Variants in POLR3A observed in about 807,000 individuals in gnomAD.
POLR3A encodes the protein RNA polymerase III subunit A.
Under a neutral mutation model 152.8 loss-of-function variants are expected in POLR3A, and 112 were observed. The observed-to-expected ratio is 0.73, with a 90% CI of 0.63 to 0.86. The LOEUF is 0.86. POLR3A is among the 40% of genes least tolerant of loss of function. The probability of loss-of-function intolerance (pLI) is 0.00; values close to 1 mark genes in which losing one functional copy is unlikely to be tolerated. For missense variants in POLR3A, 1,385 were observed against 1,743.1 expected, an observed-to-expected ratio of 0.79 and a Z score of 3.66; for synonymous variants, 615 against 652.1, an observed-to-expected ratio of 0.94 and a Z score of 0.87.
intron 30 of POLR3A, among the ~76,000 whole-genome samples, chr10:77,978,852 C>CG (rs1191546775): frequency 3.3e-5 from 5 of 151,072 alleles, no homozygotes; most frequent in South Asian, 2.1e-4. Context: ...TTAGTAGAGA[C>CG]GGGGTCTCAC....
chr10:78,022,206 T>C lies in POLR3A; in HGVS notation c.824A>G (p.Asn275Ser), dbSNP rs1847586588. ...CAGTTTCATTGTCAGATCATCTTCA[T>C]TGGTGCCAGACTTCAAATCACTCAC... is the stretch of plus-strand genomic sequence containing the variant. ...SVVSDLKSGT[N>S]EDDLTMKLTE... The change falls in exon 6 of 31, where the codon AAT becomes AGT. Residue 275 changes from asparagine to serine, a missense_variant. Physicochemically the swap from Asn to Ser is conservative, Grantham distance 46. Transcript: ENST00000372371. 1.2e-6 allele frequency: 2 copies of C among 1,614,094 alleles called. No individual in the cohort carries two copies. Among genetic ancestry groups the C allele is most frequent in the South Asian group, 2.2e-5 (2 of 91,094 alleles).
At position 77,980,265 on chromosome 10, in the gene POLR3A, G is replaced by T; in HGVS notation, c.3900C>A (p.Val1300=). ...LSDLMTYKGE[V]LGITRFGLAK... ...CCAGGCCAAACCTAGTGATGCCCAGGACTTCACCCTGCGTCAAGGGAGAAA... is the reference window on the plus strand; with the variant it reads ...CCAGGCCAAACCTAGTGATGCCCAGTACTTCACCCTGCGTCAAGGGAGAAA... The change falls in exon 30 of 31, where the codon GTC becomes GTA. Residue 1300 remains valine, a synonymous_variant. Transcript: ENST00000372371. 1 of 1,613,912 alleles carries T rather than the reference G, an allele frequency of 6.2e-7. No homozygotes were observed. Among genetic ancestry groups the T allele is most frequent in the Non-Finnish European group, 8.5e-7 (1 of 1,179,956 alleles).
intron 21 of POLR3A, among the ~76,000 whole-genome samples, chr10:77,988,606 C>T (rs1847219441): frequency 6.6e-6 from 1 of 152,174 alleles, no homozygotes; most frequent in South Asian, 2.1e-4. Flanking sequence ...GAGTCTGACA[C>T]TGTGTTTTCA....
rs144576999 is a variant in POLR3A at position 78,022,256 on chromosome 10, A to G, written c.774T>C (p.Pro258=). ...SDLILTRLLV[P]PLCIRPSVVS... is the part of the protein sequence containing the mutation. ...CAACGGAGGGTCTGATACACAAAGGAGGCACCAAAAGTCGTGTGAGAATCA... is the reference window on the plus strand; with the variant it reads ...CAACGGAGGGTCTGATACACAAAGGGGGCACCAAAAGTCGTGTGAGAATCA... The change falls in exon 6 of 31, where the codon CCT becomes CCC. Residue 258 remains proline (P), a synonymous_variant. Coordinates refer to ENST00000372371, the MANE Select transcript of POLR3A (RefSeq NM_007055.4). 1.0e-4 allele frequency: 163 copies of G among 1,614,080 alleles called. No individual in the cohort carries two copies. The highest frequency in any genetic ancestry group is 1.4e-4 in the Non-Finnish European group (161 of 1,180,030).
rs186928614 is a variant in POLR3A, at chr10:78,013,603, T to C, written c.1572+47A>G. The C allele has an allele frequency of 5.0e-6, 8 of 1,606,404 alleles. No homozygotes were observed. The Admixed American group carries it at 1.0e-4, about 20-fold the overall frequency. On this transcript the variant is annotated intron_variant, in intron 11 of 30. Coordinates refer to ENST00000372371, the MANE Select transcript of POLR3A (RefSeq NM_007055.4). ...TTTCATGTAAGTTTCCTTTGCCTCC[T>C]TTCAAGGAGCTGTTATGCAAAAGCT...
In POLR3A at chr10:78,001,201, G is replaced by T; in HGVS notation, c.2360-107C>A. ...AGGAATAGGCCCTTATGCTCAATGAGGTCATGGTCCTGGAACAGTAGAAGA... is the reference window on the plus strand; with the variant it reads ...AGGAATAGGCCCTTATGCTCAATGATGTCATGGTCCTGGAACAGTAGAAGA... On this transcript the variant is annotated intron_variant, in intron 17 of 30. Coordinates refer to ENST00000372371, the MANE Select transcript of POLR3A (RefSeq NM_007055.4). 4 of 670,552 alleles carry T rather than the reference G, an allele frequency of 6.0e-6. 1 individual carries two copies. The highest frequency in any genetic ancestry group is 2.6e-4 in the Middle Eastern group (1 of 3,776). 41.5% of individuals were successfully genotyped at this position (670,552 alleles called of 1,614,324 possible). A position where few individuals can be genotyped will look rare whatever the true frequency, so the allele number is the denominator to read the frequency against.
At chr10:77,996,821 C>T (rs1163092307) in intron 19 of POLR3A, among the ~76,000 whole-genome samples, 18 of 152,172 alleles carry the variant, frequency 1.2e-4, no homozygotes, top group Admixed American at 1.2e-3. Context: ...ATGAGGCCAG[C>T]ATCATCCTGA....
In POLR3A at chr10:78,028,781, G is replaced by C. The variant is rs1049215927; in HGVS notation, c.44+583C>G. Among the ~76,000 whole-genome samples the C allele has an allele frequency of 3.3e-5, 5 of 152,150 alleles. No individual in the cohort carries two copies. The East Asian group carries it at 9.7e-4, about 29-fold the overall frequency. On this transcript the variant is annotated intron_variant, in intron 1 of 30. Coordinates refer to ENST00000372371, the MANE Select transcript of POLR3A (RefSeq NM_007055.4). ...GCCTCCTAAAGTGCTGGGATTACAG[G>C]AGTAAGCCACCGCGCCCGGCTGGAT... is the stretch of plus-strand genomic sequence containing the variant.
chr10:78,023,178 T>C (rs1847596665), intron 5 of POLR3A, among the ~76,000 whole-genome samples: 1 of 149,110 alleles, frequency 6.7e-6, no homozygotes, highest in African/African-American at 2.5e-5. Flanking sequence ...AAAGTGTTAC[T>C]GGCTGGGCAT....
chr10:77,980,970 A>G (rs909482947), intron 29 of POLR3A, among the ~76,000 whole-genome samples: 3 of 150,458 alleles, frequency 2.0e-5, no homozygotes, highest in Non-Finnish European at 1.5e-5. Flanking sequence ...AAAAGAGAGA[A>G]AAAAAAAATC....
intron 15 of POLR3A, among the ~76,000 whole-genome samples, chr10:78,006,072 A>G (rs998990775): frequency 6.6e-6 from 1 of 152,200 alleles, no homozygotes; most frequent in African/African-American, 2.4e-5. Context: ...ATCAGAGAAG[A>G]TACATTCAGG....
At chr10:78,007,299 A>G (rs554124994) in intron 15 of POLR3A, among the ~76,000 whole-genome samples, 1 of 152,312 alleles carries the variant, frequency 6.6e-6, no homozygotes, top group South Asian at 2.1e-4. Context: ...GAGCAAACAA[A>G]CAAACAAACA....
chr10:78,016,621 G>A (rs948680888), intron 10 of POLR3A, among the ~76,000 whole-genome samples: 1 of 151,772 alleles, frequency 6.6e-6, no homozygotes, highest in Non-Finnish European at 1.5e-5. Flanking sequence ...GGCTAAGGCA[G>A]GAGACTCACT....
Position 77,975,999 on chromosome 10 carries a change from GA to G in POLR3A, c.*1478del, listed in dbSNP as rs1003823214. The G allele has an allele frequency of 2.0e-5, 3 of 152,006 alleles. No homozygotes were observed. Among genetic ancestry groups the G allele is most frequent in the Admixed American group, 6.6e-5 (1 of 15,266 alleles). The allele number at this position is 152,006 out of a possible 1,614,324, so 9.4% of individuals were successfully genotyped here. A position where few individuals can be genotyped will look rare whatever the true frequency, so the allele number is the denominator to read the frequency against. Reference sequence around the variant, plus strand: ...AAGATAAAGGGGGGTTAAACATTAAGAAAAATGGCATTTTTTTTCCACATCA... The same window carrying G: ...AAGATAAAGGGGGGTTAAACATTAAGAAAATGGCATTTTTTTTCCACATCA... On this transcript the variant is annotated 3_prime_UTR_variant, in exon 31 of 31. Transcript: ENST00000372371.
At chr10:77,996,470 T>A (rs1391938218) in intron 19 of POLR3A, among the ~76,000 whole-genome samples, 1 of 152,066 alleles carries the variant, frequency 6.6e-6, no homozygotes, top group Non-Finnish European at 1.5e-5. Flanking sequence ...TAAAAAATGA[T>A]AAAGGGGATA....
At chr10:78,011,346 C>T (rs1352254607) in intron 11 of POLR3A, among the ~76,000 whole-genome samples, 1 of 151,998 alleles carries the variant, frequency 6.6e-6, no homozygotes, top group Non-Finnish European at 1.5e-5. Context: ...TAATGAGGGC[C>T]TACGTTGGGC....
At chr10:77,999,201 A>T (rs954628800) in intron 19 of POLR3A, among the ~76,000 whole-genome samples, 3 of 152,218 alleles carry the variant, frequency 2.0e-5, no homozygotes, top group African/African-American at 7.2e-5. Flanking sequence ...ACCTAATGCT[A>T]AATGAGTTAA....
At chr10:78,009,152 C>CAAAA (rs59670962) in intron 14 of POLR3A, among the ~76,000 whole-genome samples, 4 of 32,998 alleles carry the variant, frequency 1.2e-4, no homozygotes, top group East Asian at 1.2e-3. Flanking sequence ...GACTTAGTCT[C>CAAAA]AAAAAAAAAA....
chr10:78,004,645 A>G (rs1371514801), intron 16 of POLR3A, 71 bp downstream of exon 16: 3 of 1,257,708 alleles, frequency 2.4e-6, no homozygotes, highest in Non-Finnish European at 3.4e-6. Flanking sequence ...GGCTCAGCAC[A>G]ACCCCAGAGA....
Sources: gnomAD v4.1 joint callset for allele counts (sites outside exome capture counted in the v4.1 genomes callset) on GRCh38, gnomAD v4.1.1 for gene constraint, MANE v1.5 for transcripts, NCBI Gene and HGNC (gene_info 2026-07-23, HGNC 2026-07-21) for gene names.